Variants in PTPRT observed in about 807,000 individuals in gnomAD.
PTPRT encodes receptor-type tyrosine-protein phosphatase T.
In PTPRT, 56 loss-of-function variants were observed where a neutral mutation model predicts 176.8. The ratio of observed to expected loss-of-function variants is 0.32; its 90% CI spans 0.26 to 0.40. The LOEUF is 0.40. Ranked by LOEUF, PTPRT falls within the 10% of genes least tolerant of loss-of-function variation. The pLI, the probability that PTPRT is intolerant of heterozygous loss-of-function variation, is 1.00. For synonymous variants in PTPRT, 783 were observed against 739.0 expected, an observed-to-expected ratio of 1.06 and a Z score of -0.96; for missense variants, 1,540 against 1,908.2, an observed-to-expected ratio of 0.81 and a Z score of 3.60.
chr20:43,050,617 TG>T (rs1481263024), intron 1 of PTPRT, among the ~76,000 whole-genome samples: 2 of 152,230 alleles, frequency 1.3e-5, no homozygotes, highest in East Asian at 3.9e-4. Flanking sequence ...GCTCTGATCC[TG>T]GGTCTACCTC....
chr20:42,725,009 T>TTGTGTGTGTGTGTG (rs147376328), intron 6 of PTPRT, among the ~76,000 whole-genome samples: 11 of 133,956 alleles, frequency 8.2e-5, no homozygotes, highest in African/African-American at 2.6e-4. Context: ...TGGACATCTT[T>TTGTGTGTGTGTGTG]TGTGTGTGTG....
intron 7 of PTPRT, among the ~76,000 whole-genome samples, chr20:42,643,607 A>G (rs1211061095): frequency 6.6e-6 from 1 of 151,526 alleles, no homozygotes; most frequent in Non-Finnish European, 1.5e-5. Flanking sequence ...GTGAGCCACC[A>G]TGCCCAGCTA....
chr20:42,257,771 G>A (rs1159036674), intron 13 of PTPRT, among the ~76,000 whole-genome samples: 2 of 151,568 alleles, frequency 1.3e-5, no homozygotes, highest in East Asian at 1.9e-4. Flanking sequence ...GCTGCTATGC[G>A]TCCTCTACAG....
intron 2 of PTPRT, among the ~76,000 whole-genome samples, chr20:42,798,013 G>C (rs928586226): frequency 2.0e-5 from 3 of 152,082 alleles, no homozygotes; most frequent in Admixed American, 6.5e-5. Flanking sequence ...GTGGGGTTTC[G>C]GCCACTAAAT....
chr20:42,386,147 AG>A (rs368554306), intron 9 of PTPRT, among the ~76,000 whole-genome samples: 3 of 152,310 alleles, frequency 2.0e-5, no homozygotes, highest in African/African-American at 7.2e-5. Context: ...GGACATCATC[AG>A]AAGTTTGGCA....
chr20:42,602,269 C>A (rs1199219741), intron 7 of PTPRT, among the ~76,000 whole-genome samples: 2 of 152,102 alleles, frequency 1.3e-5, no homozygotes, highest in Non-Finnish European at 2.9e-5. Context: ...AAGTCACAGG[C>A]AACAGAGAAA....
chr20:42,331,187 T>G (rs779150508), intron 11 of PTPRT, among the ~76,000 whole-genome samples: 8 of 151,734 alleles, frequency 5.3e-5, no homozygotes, highest in Non-Finnish European at 8.8e-5. Flanking sequence ...TGTCGTTTTC[T>G]AAAGTTACCT....
At chr20:42,354,027 C>G (rs1021491692) in intron 9 of PTPRT, among the ~76,000 whole-genome samples, 1 of 151,758 alleles carries the variant, frequency 6.6e-6, no homozygotes, top group Non-Finnish European at 1.5e-5. Context: ...GCACTTTAGC[C>G]TGGGTGAGAG....
chr20:42,174,856 G>T (rs73273431), intron 16 of PTPRT, among the ~76,000 whole-genome samples: 1 of 152,194 alleles, frequency 6.6e-6, no homozygotes, highest in South Asian at 2.1e-4. Flanking sequence ...TTTATGGCTA[G>T]TATCTCTGAA....
intron 2 of PTPRT, among the ~76,000 whole-genome samples, chr20:42,857,958 C>T (rs2078594369): frequency 6.6e-6 from 1 of 152,098 alleles, no homozygotes; most frequent in African/African-American, 2.4e-5. Flanking sequence ...TATCATCTAT[C>T]TCTCTCATCA....
chr20:42,456,614 T>C (rs186744161), intron 8 of PTPRT, among the ~76,000 whole-genome samples: 85 of 152,226 alleles, frequency 5.6e-4, no homozygotes, highest in African/African-American at 2.0e-3. Flanking sequence ...AGTGATGATA[T>C]GTATTTCCCC....
intron 9 of PTPRT, among the ~76,000 whole-genome samples, chr20:42,441,936 T>G (rs1158576281): frequency 6.6e-6 from 1 of 152,224 alleles, no homozygotes; most frequent in Non-Finnish European, 1.5e-5. Flanking sequence ...TGGGCTGTAT[T>G]AGTCACAATC....
At chr20:42,111,209 C>A (rs575040611) in intron 22 of PTPRT, among the ~76,000 whole-genome samples, 1 of 152,140 alleles carries the variant, frequency 6.6e-6, no homozygotes, top group African/African-American at 2.4e-5. Flanking sequence ...TCTAAGCCTT[C>A]GCTTAGACAG....
At chr20:42,241,719 G>A (rs111863560) in intron 14 of PTPRT, among the ~76,000 whole-genome samples, 6 of 152,114 alleles carry the variant, frequency 3.9e-5, no homozygotes, top group African/African-American at 9.6e-5. Flanking sequence ...GGCTGTCCAC[G>A]TGAGTGCAAG....
At chr20:42,857,697 T>G (rs946011134) in intron 2 of PTPRT, among the ~76,000 whole-genome samples, 2 of 152,202 alleles carry the variant, frequency 1.3e-5, no homozygotes, top group Non-Finnish European at 2.9e-5. Context: ...GCTGTCTTCC[T>G]ACTCACAATC....
intron 1 of PTPRT, among the ~76,000 whole-genome samples, chr20:43,033,364 G>A (rs542617091): frequency 1.3e-5 from 2 of 152,264 alleles, no homozygotes; most frequent in South Asian, 4.1e-4. Context: ...CCTGTTGAGA[G>A]ATGGACAGCC....
In PTPRT at chr20:42,629,609, A is replaced by G. The variant is rs572092470; in HGVS notation, c.1153+48257T>C. On this transcript the variant is annotated intron_variant, in intron 7 of 30. Coordinates refer to ENST00000373187, the MANE Select transcript of PTPRT (RefSeq NM_007050.6). ...CTGAGTGTTCCTCCAAACTTGTAGA[A>G]CTCAATTTTTCTGGGGGAGAGGGTT... Among the ~76,000 whole-genome samples the G allele has an allele frequency of 2.6e-5, 4 of 152,238 alleles. 1 individual carries two copies. The South Asian group carries it at 6.2e-4, about 24-fold the overall frequency.
intron 6 of PTPRT, among the ~76,000 whole-genome samples, chr20:42,732,243 GC>G: frequency 6.6e-6 from 1 of 152,158 alleles, no homozygotes; most frequent in African/African-American, 2.4e-5. Context: ...TGGCTACTGA[GC>G]CAGAGATGCC....
intron 1 of PTPRT, among the ~76,000 whole-genome samples, chr20:42,899,694 A>G (rs1487185589): frequency 2.0e-5 from 3 of 152,232 alleles, no homozygotes; most frequent in African/African-American, 7.2e-5. Flanking sequence ...CTCATCAAAG[A>G]GCCTAGTACT....
Sources: gnomAD v4.1 joint callset for allele counts (sites outside exome capture counted in the v4.1 genomes callset) on GRCh38, gnomAD v4.1.1 for gene constraint, MANE v1.5 for transcripts, NCBI Gene and HGNC (gene_info 2026-07-23, HGNC 2026-07-21) for gene names.